Variants in ASPG observed in about 807,000 individuals in gnomAD.
ASPG encodes the protein asparaginase.
In ASPG, 53 loss-of-function variants were observed where a neutral mutation model predicts 63.2. That is an observed-to-expected ratio of 0.84 (90% CI 0.67 to 1.05). The LOEUF is 1.05. Ranked by LOEUF, ASPG falls within the 50% of genes least tolerant of loss-of-function variation. ASPG has a pLI of 0.00. For synonymous variants in ASPG, 370 were observed against 355.0 expected (o/e 1.04, Z -0.48); for missense variants, 741 against 794.4 (o/e 0.93, Z 0.81).
In ASPG at chr14:104,097,126, G is replaced by A. The variant is rs79403009; in HGVS notation, c.430-428G>A. Among the ~76,000 whole-genome samples, 1,203 of 152,132 alleles carry A rather than the reference G, an allele frequency of 7.9e-3. 19 individuals carry two copies. Among genetic ancestry groups the A allele is most frequent in the East Asian group, 0.028 (144 of 5,164 alleles). ...CGAGGGAGCTGGGCAGGGCAGCTGC[G>A]GTGGGAGGCCTGTGATGCGTTCTCC... is the stretch of plus-strand genomic sequence containing the variant. On this transcript the variant is annotated intron_variant, in intron 4 of 15. Transcript: ENST00000551177.
Position 104,110,457 on chromosome 14 carries a change from T to A in ASPG, c.1521-1045T>A. ...TGGGGAAACTGAGGCAGTAGTCAGG[T>A]CCTGTGGGAGCTGGGACCAGAACCC... is the stretch of plus-strand genomic sequence containing the variant. On this transcript the variant is annotated intron_variant, in intron 13 of 15. Transcript: ENST00000551177. This position sits in a 1 kb window ranked among gnomAD's most constrained non-coding sequence, Gnocchi z 4.7. 1.0e-6 allele frequency: 1 copy of A among 985,204 alleles called. No homozygotes were observed. The highest frequency in any genetic ancestry group is 1.2e-6 in the Non-Finnish European group (1 of 829,848). The allele number at this position is 985,204 out of a possible 1,614,324, so 61.0% of individuals were successfully genotyped here.
Position 104,114,569 on chromosome 14 carries a change from G to A in ASPG, c.*2025G>A, listed in dbSNP as rs2037439650. The A allele has an allele frequency of 6.6e-6, 1 of 152,326 alleles. No individual in the cohort carries two copies. Among genetic ancestry groups the A allele is most frequent in the African/African-American group, 2.4e-5 (1 of 41,430 alleles). The allele number at this position is 152,326 out of a possible 1,614,324, so 9.4% of individuals were successfully genotyped here. A position where few individuals can be genotyped will look rare whatever the true frequency, so the allele number is the denominator to read the frequency against. On this transcript the variant is annotated 3_prime_UTR_variant, in exon 16 of 16. Coordinates refer to ENST00000551177, the MANE Select transcript of ASPG (RefSeq NM_001080464.3). ...TGTGCCCCTTGGGGAGAGGCCAGAG[G>A]GGCCCTGGGTAAGGGGACTCCTCTA...
At chr14:104,108,668 C>T in intron 12 of ASPG, 1 of 985,442 alleles carries the variant, frequency 1.0e-6, no homozygotes. Flanking sequence ...TGCCTCTGCT[C>T]CTCCTTGCTA....
intron 15 of ASPG, 129 bp downstream of exon 15, chr14:104,112,129 T>A: frequency 1.2e-6 from 1 of 866,642 alleles, no homozygotes; most frequent in East Asian, 2.7e-5. Context: ...CCAGCCAGTT[T>A]AGGGTCTGCA....
chr14:104,099,063 C>A, intron 6 of ASPG, 84 bp downstream of exon 6: 1 of 1,504,402 alleles, frequency 6.6e-7, no homozygotes, highest in Non-Finnish European at 8.9e-7. Context: ...GTGGCTGGGA[C>A]TCGGCAGAGT....
chr14:104,110,909 C>A lies in ASPG; in HGVS notation c.1521-593C>A, dbSNP rs1251038710. 1 of 985,260 alleles carries A rather than the reference C, an allele frequency of 1.0e-6. No individual in the cohort carries two copies. The highest frequency in any genetic ancestry group is 1.7e-5 in the African/African-American group (1 of 57,212). The allele number at this position is 985,260 out of a possible 1,614,324, so 61.0% of individuals were successfully genotyped here. ...CTGGCAGGTGCTCCCCACTCCAGGGCAGGTGGGCCCAGACCCCTGTCCCAG... is the reference window on the plus strand; with the variant it reads ...CTGGCAGGTGCTCCCCACTCCAGGGAAGGTGGGCCCAGACCCCTGTCCCAG... On this transcript the variant is annotated intron_variant, in intron 13 of 15. Transcript: ENST00000551177. This position sits in a 1 kb window ranked among gnomAD's most constrained non-coding sequence, Gnocchi z 4.7.
chr14:104,112,589 G>T lies in ASPG; in HGVS notation c.*45G>T. The T allele has an allele frequency of 6.2e-7, 1 of 1,602,682 alleles. No homozygotes were observed. On this transcript the variant is annotated 3_prime_UTR_variant, in exon 16 of 16. Transcript: ENST00000551177. ...AGTATAAGCCATTCCTTCCTCCCAT[G>T]ACCTGCTGGAGGGGTCTCAGGCATG...
In ASPG at chr14:104,112,091, A is replaced by G. The variant is rs118159062; in HGVS notation, c.1701+91A>G. ...GCTCGGGGGGGCGTAATCAAGGGGA[A>G]CAGAACCGGAGGAGGCTGAGATGGG... On this transcript the variant is annotated intron_variant, in intron 15 of 15. Coordinates refer to ENST00000551177, the MANE Select transcript of ASPG (RefSeq NM_001080464.3). 1.1e-3 allele frequency: 1,355 copies of G among 1,258,564 alleles called. 23 individuals carry two copies. In the East Asian group the frequency reaches 0.027, roughly 25 times the overall value. 78.0% of individuals were successfully genotyped at this position (1,258,564 alleles called of 1,614,324 possible).
chr14:104,092,726 A>T lies in ASPG; in HGVS notation c.176A>T (p.Asp59Val), dbSNP rs1190654728. 1 of 1,536,382 alleles carries T rather than the reference A, an allele frequency of 6.5e-7. No homozygotes were observed. Among genetic ancestry groups the T allele is most frequent in the Non-Finnish European group, 8.7e-7 (1 of 1,146,916 alleles). ...EHARARGLSE[D>V]TLVLPPASRN... ...GCCCGAGCCCGCGGCCTCTCTGAGG[A>T]CACCCTGGTGCTACCGTGAGTGTGG... The change falls in exon 2 of 16, where the codon GAC (aspartate) becomes GTC (valine). Residue 59 changes from aspartate to valine, a missense_variant. Physicochemically the swap from Asp to Val is radical, Grantham distance 152 (BLOSUM62 -3). Coordinates refer to ENST00000551177, the MANE Select transcript of ASPG (RefSeq NM_001080464.3).
chr14:104,092,812 C>T, intron 2 of ASPG, 71 bp downstream of exon 2: 1 of 1,352,842 alleles, frequency 7.4e-7, no homozygotes. Context: ...AGGCTGGGCA[C>T]TGCTGGCCAG....
chr14:104,087,694 C>T (rs2036256801), intron 1 of ASPG, among the ~76,000 whole-genome samples: 1 of 152,186 alleles, frequency 6.6e-6, no homozygotes, highest in Non-Finnish European at 1.5e-5. Flanking sequence ...GGAGTGTGGC[C>T]AACTGCAGTT....
In ASPG at chr14:104,085,867, C is replaced by G; in HGVS notation, c.82+15C>G. The G allele has an allele frequency of 6.3e-7, 1 of 1,577,394 alleles. No homozygotes were observed. On this transcript the variant is annotated intron_variant, in intron 1 of 15. Coordinates refer to ENST00000551177, the MANE Select transcript of ASPG (RefSeq NM_001080464.3). ...TGAGCTCGGCGGTGAGTCCGAGACC[C>G]TGGGCGGGGTAGGCCTCTGGACCTG...
At chr14:104,106,050 G>A (rs1028127045) in intron 10 of ASPG, among the ~76,000 whole-genome samples, 19 of 152,232 alleles carry the variant, frequency 1.2e-4, no homozygotes, top group African/African-American at 3.1e-4. Flanking sequence ...TCAGTGCCTC[G>A]GTTTCCCCCT....
rs1487262693 is a variant in ASPG, at chr14:104,097,645, C to G, written c.513+8C>G. 7 of 1,559,686 alleles carry G rather than the reference C, an allele frequency of 4.5e-6. No individual in the cohort carries two copies. The East Asian group carries it at 1.7e-4, about 37-fold the overall frequency. ...CAGTATGTGATCCCAGAGGTACCTG[C>G]CTGGTGCACGTGGAGGCGGGGCAGG... is the stretch of plus-strand genomic sequence containing the variant. On this transcript the variant is annotated splice_region_variant and intron_variant, in intron 5 of 15. Coordinates refer to ENST00000551177, the MANE Select transcript of ASPG (RefSeq NM_001080464.3).
At position 104,108,657 on chromosome 14, in the gene ASPG, G is replaced by A. The variant is rs775596598; in HGVS notation, c.1434-572G>A. 4.4e-5 allele frequency: 43 copies of A among 985,336 alleles called. No individual in the cohort carries two copies. The Admixed American group carries it at 6.8e-4, about 15-fold the overall frequency. The allele number at this position is 985,336 out of a possible 1,614,324, so 61.0% of individuals were successfully genotyped here. ...GTGTGGCCTCCGGCCTCGGGCCTTT[G>A]TGCCTCTGCTCCTCCTTGCTAGAGC... On this transcript the variant is annotated intron_variant, in intron 12 of 15. Coordinates refer to ENST00000551177, the MANE Select transcript of ASPG (RefSeq NM_001080464.3).
chr14:104,104,202 C>A, intron 7 of ASPG, 102 bp from the exon 8 acceptor site: 1 of 1,329,484 alleles, frequency 7.5e-7, no homozygotes, highest in Non-Finnish European at 1.0e-6. Context: ...CACCAGCTGC[C>A]CCTGGCTTGG....
rs758934010 is a variant in ASPG, at chr14:104,095,623, C to T, written c.396C>T (p.Asn132=). 2.5e-6 allele frequency: 4 copies of T among 1,612,968 alleles called. No individual in the cohort carries two copies. The highest frequency in any genetic ancestry group is 3.4e-6 in the Non-Finnish European group (4 of 1,179,840). ...AASMLSFMLE[N]LQKTVILTGA... ...CGATGCTGTCCTTCATGCTGGAGAA[C>T]CTGCAGAAGACTGTCATCCTCACTG... The change falls in exon 4 of 16, where the codon AAC becomes AAT. Residue 132 remains asparagine (N), a synonymous_variant. Transcript: ENST00000551177.
In ASPG at chr14:104,098,988, C is replaced by T. The variant is rs376282575; in HGVS notation, c.640+9C>T. 13 of 1,578,858 alleles carry T rather than the reference C, an allele frequency of 8.2e-6. No homozygotes were observed. Among genetic ancestry groups the T allele is most frequent in the East Asian group, 2.3e-5 (1 of 43,412 alleles). On this transcript the variant is annotated intron_variant, in intron 6 of 15. Coordinates refer to ENST00000551177, the MANE Select transcript of ASPG (RefSeq NM_001080464.3). ...GGGTGCTGACATCACAAGTAAGCCC[C>T]GCAGGAGCAGGGCCAGGTGCCTGCC... is the stretch of plus-strand genomic sequence containing the variant.
intron 10 of ASPG, among the ~76,000 whole-genome samples, 168 bp from the exon 11 acceptor site, chr14:104,106,631 C>T (rs2037140874): frequency 1.3e-5 from 2 of 152,052 alleles, no homozygotes; most frequent in African/African-American, 2.4e-5. Context: ...TGGTGAGGCT[C>T]AACCCCAGGC....
Sources: gnomAD v4.1 joint callset for allele counts (sites outside exome capture counted in the v4.1 genomes callset) on GRCh38, gnomAD v4.1.1 for gene constraint, Gnocchi (gnomAD v3.1) non-coding constraint, MANE v1.5 for transcripts, NCBI Gene and HGNC (gene_info 2026-07-23, HGNC 2026-07-21) for gene names.